The following PCDH9 variants were observed in gnomAD, a reference collection of about 807,000 sequenced individuals.
PCDH9 encodes protocadherin 9.
Under a neutral mutation model 70.6 loss-of-function variants are expected in PCDH9, and 24 were observed. The observed-to-expected ratio is 0.34, with a 90% CI of 0.25 to 0.48. The LOEUF is 0.48. Among genes scored for constraint, PCDH9 ranks in the 20% least tolerant of loss-of-function variants. The probability of loss-of-function intolerance (pLI) is 0.99; values close to 1 mark genes in which losing one functional copy is unlikely to be tolerated. For missense variants in PCDH9, 1,281 were observed against 1,503.6 expected (o/e 0.85, Z 2.45); for synonymous variants, 562 against 558.5 (o/e 1.01, Z -0.09).
intron 2 of PCDH9, among the ~76,000 whole-genome samples, chr13:67,107,680 C>T (rs1257384646): frequency 6.6e-6 from 1 of 152,184 alleles, no homozygotes; most frequent in Non-Finnish European, 1.5e-5. Flanking sequence ...TTTCCATGTC[C>T]CTCATTCTTC....
intron 2 of PCDH9, among the ~76,000 whole-genome samples, chr13:67,108,877 G>A (rs1248432826): frequency 6.6e-6 from 1 of 151,928 alleles, no homozygotes; most frequent in African/African-American, 2.4e-5. Flanking sequence ...TTGTAATATG[G>A]GCCCATAGAG....
intron 4 of PCDH9, among the ~76,000 whole-genome samples, chr13:66,465,025 G>A (rs907573845): frequency 6.6e-6 from 1 of 151,776 alleles, no homozygotes; most frequent in African/African-American, 2.4e-5. Flanking sequence ...CCATATTTAG[G>A]GTGAAAGCAT....
At chr13:66,898,554 G>A (rs1278972327) in intron 3 of PCDH9, among the ~76,000 whole-genome samples, 1 of 151,778 alleles carries the variant, frequency 6.6e-6, no homozygotes, top group Non-Finnish European at 1.5e-5. Flanking sequence ...AAATATACTT[G>A]GGTAATATGA....
intron 2 of PCDH9, among the ~76,000 whole-genome samples, chr13:67,188,206 C>T (rs1209467344): frequency 6.6e-6 from 1 of 152,058 alleles, no homozygotes; most frequent in African/African-American, 2.4e-5. Context: ...TGTGAGATTT[C>T]TGAGTTTACT....
intron 2 of PCDH9, among the ~76,000 whole-genome samples, chr13:66,911,891 G>T (rs1406127668): frequency 1.3e-5 from 2 of 152,106 alleles, no homozygotes; most frequent in Admixed American, 1.3e-4. Context: ...GTATTCGAAG[G>T]AATACAACAA....
At chr13:66,543,837 C>G (rs1033245645) in intron 4 of PCDH9, among the ~76,000 whole-genome samples, 4 of 152,272 alleles carry the variant, frequency 2.6e-5, no homozygotes, top group Middle Eastern at 3.4e-3. Flanking sequence ...AAGCAGAGAT[C>G]ATGGAGACTG....
chr13:66,627,154 C>A (rs2077510095), intron 4 of PCDH9, among the ~76,000 whole-genome samples: 1 of 152,018 alleles, frequency 6.6e-6, no homozygotes, highest in African/African-American at 2.4e-5. Context: ...TTTGAAAAAA[C>A]AGAAATCTAG....
chr13:66,421,921 G>A (rs896902197), intron 4 of PCDH9, among the ~76,000 whole-genome samples: 1 of 152,122 alleles, frequency 6.6e-6, no homozygotes, highest in Non-Finnish European at 1.5e-5. Flanking sequence ...CCCATCTCAT[G>A]TGCAAAGACA....
intron 2 of PCDH9, chr13:67,223,528 T>C (rs925926468): frequency 2.6e-5 from 4 of 152,130 alleles, no homozygotes; most frequent in Non-Finnish European, 4.4e-5. Flanking sequence ...ATAACAGAAG[T>C]AAATAATTTA....
intron 3 of PCDH9, among the ~76,000 whole-genome samples, chr13:66,893,961 G>A (rs1003042307): frequency 2.0e-5 from 3 of 151,874 alleles, no homozygotes; most frequent in African/African-American, 7.3e-5. Flanking sequence ...TGTGTCTTTA[G>A]TCCTTCCGTT....
Position 67,088,099 on chromosome 13 carries a change from A to ATTT in PCDH9, c.3036+137303_3036+137305dup, listed in dbSNP as rs34343096. On this transcript the variant is annotated intron_variant, in intron 2 of 4. Coordinates refer to ENST00000377865, the MANE Select transcript of PCDH9 (RefSeq NM_203487.3). ...ATAGGGAATTTGGTCTATTTCATAG[A>ATTT]TTTTTTTTTTTTTTTATTCCCTGAG... 2.5e-4 allele frequency among the ~76,000 whole-genome samples: 36 copies of ATTT among 146,654 alleles called. 1 individual carries two copies. The East Asian group carries it at 7.2e-3, about 29-fold the overall frequency.
At chr13:66,414,575 G>C (rs887911692) in intron 4 of PCDH9, among the ~76,000 whole-genome samples, 8 of 152,144 alleles carry the variant, frequency 5.3e-5, no homozygotes, top group Non-Finnish European at 8.8e-5. Flanking sequence ...GTTGACCTCT[G>C]TATGCCTATA....
intron 3 of PCDH9, among the ~76,000 whole-genome samples, chr13:66,883,016 A>C (rs1400055084): frequency 6.6e-6 from 1 of 152,132 alleles, no homozygotes; most frequent in Non-Finnish European, 1.5e-5. Context: ...TGTCCAGATA[A>C]AATTAAATAC....
chr13:67,117,683 A>G (rs531643178), intron 2 of PCDH9, among the ~76,000 whole-genome samples: 12 of 152,184 alleles, frequency 7.9e-5, no homozygotes, highest in Non-Finnish European at 1.6e-4. Context: ...ACAGAAAGCA[A>G]TCTTATCTGA....
At chr13:67,216,895 T>C (rs2089619775) in intron 2 of PCDH9, 1 of 151,784 alleles carries the variant, frequency 6.6e-6, no homozygotes, top group Admixed American at 6.6e-5. Flanking sequence ...AGGAAGGCTA[T>C]TGTGATTCTA....
chr13:66,425,599 C>T (rs533013837), intron 4 of PCDH9, among the ~76,000 whole-genome samples: 51 of 151,352 alleles, frequency 3.4e-4, no homozygotes, highest in Admixed American at 2.7e-3. Context: ...TTTGTCCTAC[C>T]GGAGTTCTCT....
intron 4 of PCDH9, among the ~76,000 whole-genome samples, chr13:66,423,446 C>T (rs554537176): frequency 7.2e-5 from 11 of 152,012 alleles, no homozygotes; most frequent in Middle Eastern, 6.8e-3. Context: ...ACTGGCAAAC[C>T]GAATCCAGCA....
At chr13:66,663,538 G>T (rs1178903338) in intron 3 of PCDH9, among the ~76,000 whole-genome samples, 2 of 152,120 alleles carry the variant, frequency 1.3e-5, no homozygotes, top group Non-Finnish European at 2.9e-5. Context: ...AGTGACCTAT[G>T]TTCTAAAATG....
intron 4 of PCDH9, among the ~76,000 whole-genome samples, chr13:66,471,233 CAATGAGAA>C (rs1210547293): frequency 6.6e-6 from 1 of 151,776 alleles, no homozygotes; most frequent in Non-Finnish European, 1.5e-5. Context: ...AGGAGGGAGG[CAATGAGAA>C]AAGGTGATTG....
Sources: allele counts gnomAD v4.1 joint callset (sites outside exome capture counted in the v4.1 genomes callset), GRCh38; gene constraint gnomAD v4.1.1; transcripts MANE v1.5; gene names NCBI Gene and HGNC (gene_info 2026-07-23, HGNC 2026-07-21).